RNF32: variants seen among roughly 807,000 people sequenced by gnomAD.
RNF32 encodes ring finger protein 32.
Under a neutral mutation model 41.0 loss-of-function variants are expected in RNF32, and 36 were observed. The observed-to-expected ratio is 0.88, with a 90% confidence interval of 0.67 to 1.16. The LOEUF (loss-of-function observed/expected upper bound fraction) is 1.16. Ranked by LOEUF, RNF32 falls within the 50% of genes most tolerant of loss-of-function variation. The probability of loss-of-function intolerance (pLI) is 0.00; values close to 1 mark genes in which losing one functional copy is unlikely to be tolerated. For synonymous variants in RNF32, 154 were observed against 160.9 expected (o/e 0.96, Z 0.32); for missense variants, 413 against 436.7 (o/e 0.95, Z 0.48).
At chr7:156,644,142 T>C (rs1323958538) in intron 2 of RNF32, among the ~76,000 whole-genome samples, 1 of 152,178 alleles carries the variant, frequency 6.6e-6, no homozygotes, top group Non-Finnish European at 1.5e-5. Context: ...TTATTAAGTT[T>C]TCACAAAAAG....
Position 156,658,254 on chromosome 7 carries a change from T to A in RNF32, c.575+2T>A. 1 of 1,613,610 alleles carries A rather than the reference T, an allele frequency of 6.2e-7. No homozygotes were observed. Among genetic ancestry groups the A allele is most frequent in the Non-Finnish European group, 8.5e-7 (1 of 1,179,910 alleles). The stretch of plus-strand genomic sequence containing the variant: ...GTTCAGAATCAAGTGTGTGACCAGG[T>A]GAGGACGCCAGGCCCGTTTGGCGCT... On this transcript the variant is annotated splice_donor_variant, in intron 6 of 8. Coordinates refer to ENST00000317955, the MANE Select transcript of RNF32 (RefSeq NM_030936.4). LOFTEE classifies it high-confidence loss of function.
chr7:156,655,289 T>G (rs1585037174), intron 4 of RNF32, among the ~76,000 whole-genome samples: 1 of 151,558 alleles, frequency 6.6e-6, no homozygotes, highest in African/African-American at 2.4e-5. Flanking sequence ...TGCATATATA[T>G]ATATAGAGAG....
intron 7 of RNF32, among the ~76,000 whole-genome samples, chr7:156,662,505 T>C (rs1221448180): frequency 1.3e-5 from 2 of 152,144 alleles, no homozygotes; most frequent in Non-Finnish European, 2.9e-5. Flanking sequence ...AGCTGAGCAT[T>C]TGAATCAGTG....
intron 7 of RNF32, 61 bp from the exon 8 acceptor site, chr7:156,675,635 G>T: frequency 6.9e-7 from 1 of 1,449,616 alleles, no homozygotes; most frequent in Non-Finnish European, 9.6e-7. Flanking sequence ...GCTCGAGAGC[G>T]CTTCCCTGCA....
At chr7:156,661,941 C>T (rs560036517) in intron 7 of RNF32, among the ~76,000 whole-genome samples, 1 of 152,288 alleles carries the variant, frequency 6.6e-6, no homozygotes, top group Middle Eastern at 3.4e-3. Context: ...CATATACGCA[C>T]ACACACTCAG....
At chr7:156,654,335 G>A in intron 3 of RNF32, 1 of 392,318 alleles carries the variant, frequency 2.5e-6, no homozygotes, top group East Asian at 3.8e-5. Context: ...CAGTATACAG[G>A]AGGATATGCA....
intron 3 of RNF32, among the ~76,000 whole-genome samples, 179 bp downstream of exon 3, chr7:156,644,936 G>A (rs1375966524): frequency 6.6e-6 from 1 of 152,172 alleles, no homozygotes; most frequent in Non-Finnish European, 1.5e-5. Context: ...ATTAGAGCAA[G>A]AAGGTAAAGA....
intron 7 of RNF32, among the ~76,000 whole-genome samples, chr7:156,671,327 A>AGT (rs1316181124): frequency 6.6e-6 from 1 of 152,086 alleles, no homozygotes; most frequent in Admixed American, 6.6e-5. Context: ...AAACGCGAAC[A>AGT]GTGTGTGTGT....
chr7:156,651,831 C>T (rs1440161027), intron 3 of RNF32, among the ~76,000 whole-genome samples: 1 of 152,236 alleles, frequency 6.6e-6, no homozygotes, highest in East Asian at 1.9e-4. Context: ...TCCAGAAATA[C>T]ATTATCTCAA....
At chr7:156,656,126 CAATT>C (rs1799633410) in intron 4 of RNF32, among the ~76,000 whole-genome samples, 1 of 152,178 alleles carries the variant, frequency 6.6e-6, no homozygotes, top group Non-Finnish European at 1.5e-5. Context: ...AGAGGGCCTT[CAATT>C]AATTCCGTAT....
chr7:156,640,747 C>G (rs1462442254), upstream of RNF32: 11 of 273,210 alleles, frequency 4.0e-5, no homozygotes, highest in South Asian at 2.3e-4. Context: ...GGTGGGCGGC[C>G]AGGGAGTTGC....
At chr7:156,640,403 G>A (rs994777745), upstream of RNF32, 2 of 425,360 alleles carry the variant, frequency 4.7e-6, no homozygotes, top group South Asian at 1.7e-5. Context: ...CAGCGAAGCC[G>A]GCGCGGGGCT....
At chr7:156,642,720 C>G (rs1038069042) in intron 1 of RNF32, among the ~76,000 whole-genome samples, 3 of 152,184 alleles carry the variant, frequency 2.0e-5, no homozygotes, top group African/African-American at 7.2e-5. Flanking sequence ...GGCACACTCA[C>G]ACTCACTCAG....
chr7:156,644,792 T>G, intron 3 of RNF32, 35 bp downstream of exon 3: 2 of 1,576,296 alleles, frequency 1.3e-6, no homozygotes, highest in Non-Finnish European at 1.7e-6. Flanking sequence ...TTTGGCTTAT[T>G]AGGGCTAAAA....
chr7:156,665,892 C>T (rs1801276482), intron 7 of RNF32, among the ~76,000 whole-genome samples: 1 of 152,232 alleles, frequency 6.6e-6, no homozygotes, highest in South Asian at 2.1e-4. Context: ...ACCATTTTAA[C>T]ACCAGAAAAG....
At chr7:156,675,220 G>A (rs910817612) in intron 7 of RNF32, among the ~76,000 whole-genome samples, 5 of 152,218 alleles carry the variant, frequency 3.3e-5, no homozygotes, top group African/African-American at 1.2e-4. Context: ...AGAGGTCGTG[G>A]GGAAGCATGA....
chr7:156,644,477 T>C (rs1797740256), intron 2 of RNF32, 22 bp from the exon 3 acceptor site: 3 of 1,582,654 alleles, frequency 1.9e-6, no homozygotes, highest in South Asian at 1.1e-5. Flanking sequence ...CCTCTAAATA[T>C]GACTTTTTTC....
At chr7:156,675,906 A>C in intron 8 of RNF32, 43 bp downstream of exon 8, 1 of 1,591,028 alleles carries the variant, frequency 6.3e-7, no homozygotes, top group Non-Finnish European at 8.6e-7. Context: ...ACTCAGCTGC[A>C]GCTGCAGAGG....
At chr7:156,641,904 A>G (rs1233401276) in intron 1 of RNF32, among the ~76,000 whole-genome samples, 1 of 152,204 alleles carries the variant, frequency 6.6e-6, no homozygotes. Flanking sequence ...ACGGGAACAG[A>G]AAAGGGCTGT....
Sources: gnomAD v4.1 joint callset for allele counts (sites outside exome capture counted in the v4.1 genomes callset) on GRCh38, gnomAD v4.1.1 for gene constraint, MANE v1.5 for transcripts, NCBI Gene and HGNC (gene_info 2026-07-23, HGNC 2026-07-21) for gene names.